Variants in SCN8A observed in about 807,000 individuals in gnomAD.
SCN8A encodes sodium channel protein type 8 subunit alpha.
SCN8A carries 30 observed loss-of-function variants against 184.1 expected under a neutral mutation model. The observed-to-expected ratio is 0.16, with a 90% CI of 0.12 to 0.22. The LOEUF (loss-of-function observed/expected upper bound fraction) is 0.22. SCN8A is among the 10% of genes least tolerant of loss of function. The pLI, the probability that SCN8A is intolerant of heterozygous loss-of-function variation, is 1.00. For missense variants in SCN8A, 1,057 were observed against 2,498.9 expected (o/e 0.42, Z 12.30); for synonymous variants, 852 against 907.0 (o/e 0.94, Z 1.09).
intron 12 of SCN8A, among the ~76,000 whole-genome samples, chr12:51,743,315 T>C (rs552248278): frequency 2.6e-5 from 4 of 152,288 alleles, no homozygotes; most frequent in South Asian, 4.1e-4. Flanking sequence ...GTATTTTTTA[T>C]AGTCTTCGCA....
intron 1 of SCN8A, among the ~76,000 whole-genome samples, chr12:51,610,169 CAA>C (rs398019572): frequency 1.8e-5 from 1 of 55,934 alleles, no homozygotes; most frequent in Non-Finnish European, 3.1e-5. Flanking sequence ...AACTCTGTCT[CAA>C]AAAAAAAAAA....
intron 6 of SCN8A, among the ~76,000 whole-genome samples, chr12:51,690,912 G>T (rs1464941667): frequency 6.6e-6 from 1 of 152,206 alleles, no homozygotes; most frequent in Non-Finnish European, 1.5e-5. Flanking sequence ...CTGGGTGTCA[G>T]TTGGAGTATA....
intron 5 of SCN8A, among the ~76,000 whole-genome samples, chr12:51,687,807 C>T (rs1272333534): frequency 6.6e-6 from 1 of 152,094 alleles, no homozygotes; most frequent in Non-Finnish European, 1.5e-5. Flanking sequence ...GTTGTTTTAG[C>T]AATAAAAATG....
intron 20 of SCN8A, among the ~76,000 whole-genome samples, chr12:51,775,205 T>C (rs528725473): frequency 2.0e-5 from 3 of 152,358 alleles, no homozygotes; most frequent in South Asian, 4.1e-4. Flanking sequence ...TACTTCCTTC[T>C]GAGGGCTGTT....
chr12:51,598,259 G>A (rs1205259456), intron 1 of SCN8A, among the ~76,000 whole-genome samples: 1 of 152,102 alleles, frequency 6.6e-6, no homozygotes, highest in Non-Finnish European at 1.5e-5. Flanking sequence ...GGATGTGAAC[G>A]TGGGGAACTG....
chr12:51,785,439 A>T (rs1938056596), intron 21 of SCN8A, among the ~76,000 whole-genome samples: 1 of 152,268 alleles, frequency 6.6e-6, no homozygotes, highest in Non-Finnish European at 1.5e-5. Context: ...TAAAAGGAAG[A>T]GTGACTCCTT....
chr12:51,792,027 A>G (rs1164750172), intron 25 of SCN8A, among the ~76,000 whole-genome samples: 3 of 152,178 alleles, frequency 2.0e-5, no homozygotes, highest in African/African-American at 7.2e-5. Flanking sequence ...GCTGTCATGG[A>G]GCTTATAATA....
chr12:51,665,789 C>T (rs1209361698), intron 2 of SCN8A, among the ~76,000 whole-genome samples: 1 of 152,018 alleles, frequency 6.6e-6, no homozygotes, highest in African/African-American at 2.4e-5. Flanking sequence ...GTAGGCTGGG[C>T]GCAATGGTTC....
intron 1 of SCN8A, among the ~76,000 whole-genome samples, chr12:51,610,070 T>C (rs2138575504): frequency 6.7e-6 from 1 of 148,246 alleles, no homozygotes; most frequent in East Asian, 2.0e-4. Context: ...CTCCGGAGGC[T>C]GAGGCAGGAG....
intron 1 of SCN8A, among the ~76,000 whole-genome samples, chr12:51,599,029 T>C (rs959634258): frequency 6.6e-6 from 1 of 152,196 alleles, no homozygotes; most frequent in Non-Finnish European, 1.5e-5. Flanking sequence ...TACATTGCTT[T>C]TAGGGTTTTC....
At chr12:51,780,561 C>CCTTCTTTTTTT (rs1937868303) in intron 20 of SCN8A, 88 bp from the exon 21 acceptor site, 1 of 457,856 alleles carries the variant, frequency 2.2e-6, no homozygotes, top group African/African-American at 1.1e-4. Flanking sequence ...CCTCTGTTTT[C>CCTTCTTTTTTT]TTTCTTTTTT....
chr12:51,616,280 A>G (rs1389240329), intron 1 of SCN8A, among the ~76,000 whole-genome samples: 1 of 152,164 alleles, frequency 6.6e-6, no homozygotes, highest in Non-Finnish European at 1.5e-5. Flanking sequence ...TATTTTCACT[A>G]GATATACAAT....
intron 2 of SCN8A, among the ~76,000 whole-genome samples, chr12:51,683,261 A>T (rs1216335593): frequency 1.3e-5 from 2 of 152,230 alleles, no homozygotes; most frequent in Non-Finnish European, 2.9e-5. Context: ...ATAGATGCTC[A>T]AAAATATTTT....
intron 18 of SCN8A, chr12:51,770,270 G>A (rs1014695913): frequency 8.5e-6 from 5 of 588,316 alleles, no homozygotes; most frequent in Middle Eastern, 4.4e-4. Context: ...CCTGCCTCCT[G>A]ACTACCCTTT....
chr12:51,792,330 A>G (rs2138915031), intron 25 of SCN8A, among the ~76,000 whole-genome samples: 1 of 151,474 alleles, frequency 6.6e-6, no homozygotes, highest in East Asian at 1.9e-4. Flanking sequence ...AAAAAAAAAA[A>G]AAAATTAGCC....
rs548422172 is a variant in SCN8A at position 51,761,309 on chromosome 12, C to T, written c.2371-1194C>T. Among the ~76,000 whole-genome samples, 5 of 152,120 alleles carry T rather than the reference C, an allele frequency of 3.3e-5. No homozygotes were observed. The East Asian group carries it at 5.8e-4, about 18-fold the overall frequency. ...ACATAGGGAAGATGTCATTTTTACA[C>T]ACAATAAGCTACAAATCTAAAACAT... On this transcript the variant is annotated intron_variant, in intron 14 of 26. Transcript: ENST00000627620.
At chr12:51,781,429 C>T (rs1937918068) in intron 21 of SCN8A, among the ~76,000 whole-genome samples, 1 of 152,158 alleles carries the variant, frequency 6.6e-6, no homozygotes, top group Non-Finnish European at 1.5e-5. Flanking sequence ...GCTGTATGGT[C>T]CCCTAACACT....
chr12:51,605,327 A>C (rs578011122), intron 1 of SCN8A, among the ~76,000 whole-genome samples: 2 of 152,168 alleles, frequency 1.3e-5, no homozygotes, highest in African/African-American at 4.8e-5. Context: ...GCTCCCACCT[A>C]TCAGTGAGAA....
chr12:51,625,980 A>C (rs1940069138), intron 1 of SCN8A, among the ~76,000 whole-genome samples: 1 of 152,152 alleles, frequency 6.6e-6, no homozygotes, highest in Non-Finnish European at 1.5e-5. Context: ...ATTGAAAGGA[A>C]AGTTTATTAC....
Sources: allele counts gnomAD v4.1 joint callset (sites outside exome capture counted in the v4.1 genomes callset), GRCh38; gene constraint gnomAD v4.1.1; transcripts MANE v1.5; gene names NCBI Gene and HGNC (gene_info 2026-07-23, HGNC 2026-07-21).